The following MAML2 variants were observed in gnomAD, a reference collection of about 807,000 sequenced individuals.
The protein encoded by MAML2 is mastermind like transcriptional coactivator 2.
A neutral mutation model predicts 96.1 loss-of-function variants in MAML2; 22 were observed. The observed-to-expected ratio is 0.23, with a 90% CI of 0.16 to 0.33. The LOEUF is 0.33. MAML2 is among the 10% of genes least tolerant of loss of function. The probability of loss-of-function intolerance (pLI) is 1.00; values close to 1 mark genes in which losing one functional copy is unlikely to be tolerated. For synonymous variants in MAML2, 561 were observed against 521.3 expected, an observed-to-expected ratio of 1.08 and a Z score of -1.04; for missense variants, 1,367 against 1,392.4, an observed-to-expected ratio of 0.98 and a Z score of 0.29.
Position 95,986,490 on chromosome 11 carries a change from G to A in MAML2, c.2344-848C>T, listed in dbSNP as rs189292844. On this transcript the variant is annotated intron_variant, in intron 3 of 4. Transcript: ENST00000524717. ...GCTGGGATTACAGGCATGAACAACC[G>A]CGCCCAGCTCTGTATTCTTATTTGT... 5.9e-5 allele frequency among the ~76,000 whole-genome samples: 9 copies of A among 152,036 alleles called. No homozygotes were observed. The East Asian group carries it at 9.7e-4, about 16-fold the overall frequency.
chr11:96,017,999 C>T lies in MAML2; in HGVS notation c.2140-26276G>A, dbSNP rs374229833. Among the ~76,000 whole-genome samples, 47 of 152,160 alleles carry T rather than the reference C, an allele frequency of 3.1e-4. No individual in the cohort carries two copies. In the South Asian group the frequency reaches 6.2e-3, roughly 20 times the overall value. On this transcript the variant is annotated intron_variant, in intron 2 of 4. Coordinates refer to ENST00000524717, the MANE Select transcript of MAML2 (RefSeq NM_032427.4). ...TCAGCTATGTGGTGAATAGTTTGTA[C>T]GGAGAAAGAAGATGAGTAAGGAAGG...
At chr11:96,134,366 T>C (rs981596890) in intron 1 of MAML2, among the ~76,000 whole-genome samples, 1 of 152,238 alleles carries the variant, frequency 6.6e-6, no homozygotes, top group Non-Finnish European at 1.5e-5. Flanking sequence ...GGAATAGTCC[T>C]TGCACATAAT....
At chr11:96,152,540 C>T (rs1172434137) in intron 1 of MAML2, among the ~76,000 whole-genome samples, 2 of 152,138 alleles carry the variant, frequency 1.3e-5, no homozygotes, top group African/African-American at 4.8e-5. Flanking sequence ...CCAACTAAAG[C>T]GAGGGACCGT....
intron 2 of MAML2, among the ~76,000 whole-genome samples, chr11:96,041,491 A>G: frequency 8.3e-6 from 1 of 119,782 alleles, no homozygotes; most frequent in Non-Finnish European, 1.8e-5. Context: ...AGAAAGAAAG[A>G]AGGAAAGGAA....
chr11:96,176,418 A>T (rs943605102), intron 1 of MAML2, among the ~76,000 whole-genome samples: 2 of 152,202 alleles, frequency 1.3e-5, no homozygotes, highest in African/African-American at 4.8e-5. Context: ...GATTCTGAGA[A>T]AATAATTAAG....
At chr11:96,163,151 A>G (rs548231894) in intron 1 of MAML2, among the ~76,000 whole-genome samples, 1 of 152,216 alleles carries the variant, frequency 6.6e-6, no homozygotes, top group African/African-American at 2.4e-5. Context: ...ATGAACAGAA[A>G]TCTCTTTCCC....
intron 1 of MAML2, among the ~76,000 whole-genome samples, chr11:96,152,841 T>A (rs1384453490): frequency 6.6e-6 from 1 of 152,134 alleles, no homozygotes; most frequent in Non-Finnish European, 1.5e-5. Flanking sequence ...GGTGACCAGC[T>A]CTCAATGACA....
chr11:96,259,515 T>C (rs911159576), intron 1 of MAML2, among the ~76,000 whole-genome samples: 2 of 152,238 alleles, frequency 1.3e-5, no homozygotes, highest in African/African-American at 4.8e-5. Flanking sequence ...GCTTAGTTGT[T>C]TGTCTAGAAT....
At chr11:96,135,200 T>C (rs1295493432) in intron 1 of MAML2, among the ~76,000 whole-genome samples, 1 of 152,224 alleles carries the variant, frequency 6.6e-6, no homozygotes, top group African/African-American at 2.4e-5. Flanking sequence ...ACTTTGTCTC[T>C]GTTCCCCCTT....
intron 2 of MAML2, among the ~76,000 whole-genome samples, chr11:96,028,287 C>A (rs1338738749): frequency 6.6e-6 from 1 of 152,180 alleles, no homozygotes; most frequent in Non-Finnish European, 1.5e-5. Flanking sequence ...GTTCTCTCTG[C>A]CCCAAAGACT....
intron 1 of MAML2, among the ~76,000 whole-genome samples, chr11:96,302,614 C>T (rs910658067): frequency 3.9e-5 from 6 of 152,186 alleles, no homozygotes; most frequent in Admixed American, 2.6e-4. Flanking sequence ...CAGGATTTTC[C>T]ACTTCTTGCT....
intron 1 of MAML2, among the ~76,000 whole-genome samples, chr11:96,235,748 T>C (rs1862358171): frequency 6.6e-6 from 1 of 152,222 alleles, no homozygotes; most frequent in Non-Finnish European, 1.5e-5. Flanking sequence ...TTTTGTAAGA[T>C]GTACACTTTC....
chr11:96,115,879 G>A (rs754686064), intron 1 of MAML2, among the ~76,000 whole-genome samples: 34 of 152,216 alleles, frequency 2.2e-4, no homozygotes, highest in South Asian at 4.2e-4. Flanking sequence ...CCAAGTGTTC[G>A]GATCCCATCT....
intron 1 of MAML2, among the ~76,000 whole-genome samples, chr11:96,251,286 T>C (rs1017021336): frequency 3.9e-5 from 6 of 152,212 alleles, no homozygotes; most frequent in African/African-American, 1.4e-4. Context: ...GTTTCAGATA[T>C]CTCTGTAGCT....
chr11:96,106,175 A>G (rs1860018115), intron 1 of MAML2, among the ~76,000 whole-genome samples: 1 of 152,206 alleles, frequency 6.6e-6, no homozygotes, highest in African/African-American at 2.4e-5. Flanking sequence ...TCAGCTCAGT[A>G]ATTATATGAC....
intron 1 of MAML2, among the ~76,000 whole-genome samples, chr11:96,245,924 C>T (rs576824635): frequency 3.9e-4 from 59 of 152,110 alleles, no homozygotes; most frequent in African/African-American, 1.1e-3. Flanking sequence ...AGCCTGGTTT[C>T]GAACTCCTGA....
intron 1 of MAML2, among the ~76,000 whole-genome samples, chr11:96,275,574 TTTTC>T (rs1377370449): frequency 6.6e-6 from 1 of 152,064 alleles, no homozygotes; most frequent in Admixed American, 6.5e-5. Flanking sequence ...CGGCCAGAAT[TTTTC>T]TTTCTTTTTG....
intron 1 of MAML2, among the ~76,000 whole-genome samples, chr11:96,291,048 G>C (rs527866794): frequency 4.2e-5 from 6 of 143,310 alleles, no homozygotes; most frequent in Non-Finnish European, 7.6e-5. Context: ...GGTAAATAAA[G>C]ACTTGAAAAA....
At chr11:96,148,852 T>G (rs1275642011) in intron 1 of MAML2, among the ~76,000 whole-genome samples, 1 of 152,174 alleles carries the variant, frequency 6.6e-6, no homozygotes, top group Admixed American at 6.5e-5. Flanking sequence ...AGACAAAGCT[T>G]TAAGTCCATC....
Sources: allele counts gnomAD v4.1 joint callset (sites outside exome capture counted in the v4.1 genomes callset), GRCh38; gene constraint gnomAD v4.1.1; transcripts MANE v1.5; gene names NCBI Gene and HGNC (gene_info 2026-07-23, HGNC 2026-07-21).